FYN: variants seen among roughly 807,000 people sequenced by gnomAD.
FYN encodes the protein FYN proto-oncogene, Src family tyrosine kinase.
Under a neutral mutation model 70.2 loss-of-function variants are expected in FYN, and 10 were observed. The ratio of observed to expected loss-of-function variants is 0.14; its 90% CI spans 0.09 to 0.24. The LOEUF (loss-of-function observed/expected upper bound fraction) is 0.24, where lower values mean the gene tolerates loss of function less well. Ranked by LOEUF, FYN falls within the 10% of genes least tolerant of loss-of-function variation. The pLI is 1.00. For synonymous variants in FYN, 236 were observed against 248.6 expected (o/e 0.95, Z 0.48); for missense variants, 319 against 673.1 (o/e 0.47, Z 5.82).
rs1329913096 is a variant in FYN at position 111,729,367 on chromosome 6, G to C, written c.-11-9305C>G. On this transcript the variant is annotated intron_variant, in intron 3 of 13. Coordinates refer to ENST00000354650, the MANE Select transcript of FYN (RefSeq NM_002037.5). Reference sequence around the variant, plus strand: ...CAGGCACCTGTAAACCTAGCTACTCGAGTGGCTGAGGCATGAGAATCGCTT... The same window carrying C: ...CAGGCACCTGTAAACCTAGCTACTCCAGTGGCTGAGGCATGAGAATCGCTT... Among the ~76,000 whole-genome samples the C allele has an allele frequency of 5.3e-5, 8 of 151,820 alleles. No homozygotes were observed. In the South Asian group the frequency reaches 1.7e-3, roughly 32 times the overall value.
intron 3 of FYN, among the ~76,000 whole-genome samples, chr6:111,750,143 T>C (rs992811230): frequency 6.6e-6 from 1 of 152,212 alleles, no homozygotes; most frequent in Non-Finnish European, 1.5e-5. Flanking sequence ...ACATAACCGA[T>C]ACAGTTTGCA....
chr6:111,680,341 A>C (rs566743973), intron 12 of FYN, among the ~76,000 whole-genome samples: 1 of 152,344 alleles, frequency 6.6e-6, no homozygotes, highest in East Asian at 1.9e-4. Context: ...AAAATAAATG[A>C]ATGGCTATTA....
intron 2 of FYN, chr6:111,793,832 G>C (rs1057103356): frequency 6.6e-6 from 1 of 152,166 alleles, no homozygotes; most frequent in Non-Finnish European, 1.5e-5. Context: ...AAATCCCTTG[G>C]AGCATAGAAA....
chr6:111,837,667 C>T (rs1276266731), intron 2 of FYN, among the ~76,000 whole-genome samples: 2 of 152,210 alleles, frequency 1.3e-5, no homozygotes, highest in African/African-American at 2.4e-5. Context: ...GGGGATTTCA[C>T]GGCACTTTGT....
intron 3 of FYN, among the ~76,000 whole-genome samples, chr6:111,753,162 CT>C (rs1483548211): frequency 6.6e-6 from 1 of 152,212 alleles, no homozygotes; most frequent in Non-Finnish European, 1.5e-5. Context: ...GGTAAACCTA[CT>C]AAAGTGTTTT....
intron 3 of FYN, among the ~76,000 whole-genome samples, chr6:111,755,181 A>C (rs1317307261): frequency 1.3e-5 from 2 of 152,176 alleles, no homozygotes; most frequent in African/African-American, 2.4e-5. Context: ...TGATTTTGAT[A>C]CTTTTTTTGT....
At chr6:111,700,369 C>T in intron 8 of FYN, 101 bp from the exon 9 acceptor site, 1 of 1,194,284 alleles carries the variant, frequency 8.4e-7, no homozygotes, top group Non-Finnish European at 1.2e-6. Flanking sequence ...CACAGTGCTC[C>T]TCAAACAGTG....
At chr6:111,752,593 A>C (rs1431958889) in intron 3 of FYN, among the ~76,000 whole-genome samples, 1 of 152,226 alleles carries the variant, frequency 6.6e-6, no homozygotes, top group East Asian at 1.9e-4. Context: ...TCAGGGAGGC[A>C]TGGAAGACAT....
chr6:111,754,442 G>A (rs1802623277), intron 3 of FYN: 1 of 152,062 alleles, frequency 6.6e-6, no homozygotes, highest in African/African-American at 2.4e-5. Context: ...ACCTCATGTC[G>A]GCAAATGAGA....
intron 4 of FYN, among the ~76,000 whole-genome samples, chr6:111,717,759 CG>C (rs1419968756): frequency 2.0e-5 from 3 of 152,160 alleles, no homozygotes; most frequent in African/African-American, 7.2e-5. Flanking sequence ...CTACTGCACC[CG>C]GCCAGAGTCC....
At chr6:111,799,399 G>C (rs1342190454) in intron 2 of FYN, among the ~76,000 whole-genome samples, 1 of 152,136 alleles carries the variant, frequency 6.6e-6, no homozygotes, top group Non-Finnish European at 1.5e-5. Flanking sequence ...AAAATACAGA[G>C]ACATTAAAAT....
intron 3 of FYN, among the ~76,000 whole-genome samples, chr6:111,770,882 A>T (rs1483770625): frequency 1.3e-5 from 2 of 152,120 alleles, no homozygotes; most frequent in East Asian, 3.9e-4. Flanking sequence ...CCATGACCCA[A>T]ATACCTCCCA....
At position 111,673,622 on chromosome 6, in the gene FYN, G is replaced by GTTTTTTTTTTTTTTTTTTTTTTT. The variant is rs71021858; in HGVS notation, c.1405+876_1405+877insAAAAAAAAAAAAAAAAAAAAAAA. Among the ~76,000 whole-genome samples, 13 of 116,556 alleles carry GTTTTTTTTTTTTTTTTTTTTTTT rather than the reference G, an allele frequency of 1.1e-4. 1 individual carries two copies. The highest frequency in any genetic ancestry group is 2.6e-4 in the East Asian group (1 of 3,796). 76.5% of individuals were successfully genotyped at this position (116,556 alleles called of 152,430 possible). Reference sequence around the variant, plus strand: ...AATCGTCACTATCGTTTCTATCATTGTTTTTTTTTTTTTTTTTTTCTTTAA... The same window carrying GTTTTTTTTTTTTTTTTTTTTTTT: ...AATCGTCACTATCGTTTCTATCATTGTTTTTTTTTTTTTTTTTTTTTTTTTTTTTTTTTTTTTTTTTTCTTTAA... On this transcript the variant is annotated intron_variant, in intron 13 of 13. Transcript: ENST00000354650.
chr6:111,751,859 C>A (rs973540602), intron 3 of FYN, among the ~76,000 whole-genome samples: 1 of 152,050 alleles, frequency 6.6e-6, no homozygotes, highest in Non-Finnish European at 1.5e-5. Context: ...GCTCAAGCAA[C>A]CCTCTTGCCT....
intron 3 of FYN, among the ~76,000 whole-genome samples, chr6:111,777,718 A>G (rs1300554553): frequency 6.6e-6 from 1 of 152,202 alleles, no homozygotes; most frequent in African/African-American, 2.4e-5. Context: ...AGAAAAAAGA[A>G]ACCTAGGCTT....
chr6:111,769,625 C>T (rs139432151), intron 3 of FYN, among the ~76,000 whole-genome samples: 1 of 152,212 alleles, frequency 6.6e-6, no homozygotes, highest in African/African-American at 2.4e-5. Context: ...GTATAAAAAA[C>T]AGACACAAGG....
chr6:111,756,787 A>C (rs2128491229), intron 3 of FYN, among the ~76,000 whole-genome samples: 1 of 152,328 alleles, frequency 6.6e-6, no homozygotes, highest in East Asian at 1.9e-4. Context: ...TTTAAAATAG[A>C]AACTTTTAGC....
At chr6:111,826,483 A>C (rs1185173467) in intron 2 of FYN, among the ~76,000 whole-genome samples, 4 of 152,220 alleles carry the variant, frequency 2.6e-5, no homozygotes, top group Non-Finnish European at 4.4e-5. Flanking sequence ...TTCTACATTC[A>C]AACAAGAATA....
At chr6:111,759,797 T>A (rs556518145) in intron 3 of FYN, 1 of 152,372 alleles carries the variant, frequency 6.6e-6, no homozygotes, top group South Asian at 2.1e-4. Context: ...ATTATTTAAT[T>A]GTCACCAGAG....
Sources: gnomAD v4.1 joint callset for allele counts (sites outside exome capture counted in the v4.1 genomes callset) on GRCh38, gnomAD v4.1.1 for gene constraint, MANE v1.5 for transcripts, NCBI Gene and HGNC (gene_info 2026-07-23, HGNC 2026-07-21) for gene names.